Variants in IBTK observed in about 807,000 individuals in gnomAD.
The protein encoded by IBTK is inhibitor of Bruton tyrosine kinase, also known as BTK-binding protein.
Under a neutral mutation model 154.9 loss-of-function variants are expected in IBTK, and 83 were observed. The observed-to-expected ratio is 0.54, with a 90% CI of 0.45 to 0.64. The LOEUF is 0.64. IBTK is among the 30% of genes least tolerant of loss of function. The probability of loss-of-function intolerance (pLI) is 0.00; values close to 1 mark genes in which losing one functional copy is unlikely to be tolerated. For synonymous variants in IBTK, 515 were observed against 536.1 expected, an observed-to-expected ratio of 0.96 and a Z score of 0.54; for missense variants, 1,332 against 1,584.6, an observed-to-expected ratio of 0.84 and a Z score of 2.71.
At chr6:82,193,292 T>C (rs1056177620) in intron 23 of IBTK, among the ~76,000 whole-genome samples, 1 of 152,138 alleles carries the variant, frequency 6.6e-6, no homozygotes, top group Non-Finnish European at 1.5e-5. Context: ...ATGAGCATAG[T>C]ACTGAAATAG....
intron 21 of IBTK, among the ~76,000 whole-genome samples, chr6:82,197,761 C>T (rs1046567020): frequency 1.1e-4 from 17 of 152,092 alleles, no homozygotes; most frequent in Non-Finnish European, 1.9e-4. Context: ...AGAAATAAAT[C>T]CAGAAAAAAA....
chr6:82,230,120 T>A (rs1045114463), intron 4 of IBTK, among the ~76,000 whole-genome samples: 1 of 152,168 alleles, frequency 6.6e-6, no homozygotes, highest in African/African-American at 2.4e-5. Flanking sequence ...GTTGTCAAAG[T>A]AGCTCTAAAA....
rs1768161617 is a variant in IBTK at position 82,177,423 on chromosome 6, A to G, written c.3726-3985T>C. Among the ~76,000 whole-genome samples the G allele has an allele frequency of 2.7e-5, 4 of 150,488 alleles. 1 individual carries two copies. The highest frequency in any genetic ancestry group is 4.2e-4 in the South Asian group (2 of 4,766). ...TATTTCTCTTTTTATTTATTTATTT[A>G]TTTTTTGAGATGGAGTTTCACTCTT... On this transcript the variant is annotated intron_variant, in intron 26 of 28. Coordinates refer to ENST00000306270, the MANE Select transcript of IBTK (RefSeq NM_015525.4).
At chr6:82,218,534 T>C (rs1273023979) in intron 9 of IBTK, among the ~76,000 whole-genome samples, 1 of 152,242 alleles carries the variant, frequency 6.6e-6, no homozygotes, top group East Asian at 1.9e-4. Flanking sequence ...CCTATGAAAA[T>C]CCAAACTTTA....
intron 6 of IBTK, 152 bp from the exon 7 acceptor site, chr6:82,224,337 CTCA>C: frequency 4.9e-6 from 3 of 612,502 alleles, no homozygotes; most frequent in Non-Finnish European, 8.7e-6. Flanking sequence ...GATCTCAGCA[CTCA>C]TACTAAGACC....
chr6:82,182,539 T>C (rs190520973), intron 25 of IBTK, among the ~76,000 whole-genome samples: 1 of 152,190 alleles, frequency 6.6e-6, no homozygotes, highest in Admixed American at 6.5e-5. Flanking sequence ...CTGCCATATG[T>C]GTTAACTGAA....
intron 4 of IBTK, 30 bp downstream of exon 4, chr6:82,231,688 A>C (rs745979026): frequency 1.3e-6 from 2 of 1,527,888 alleles, no homozygotes; most frequent in East Asian, 4.6e-5. Context: ...TCTCATCTCT[A>C]AAAGTATATA....
chr6:82,189,136 T>C, intron 25 of IBTK: 2 of 350,404 alleles, frequency 5.7e-6, no homozygotes, highest in Non-Finnish European at 1.1e-5. Flanking sequence ...ATCAAAGTAA[T>C]ATTAATATTA....
intron 16 of IBTK, chr6:82,210,261 A>G (rs886647379): frequency 6.6e-6 from 1 of 152,112 alleles, no homozygotes; most frequent in African/African-American, 2.4e-5. Flanking sequence ...CAATTCATTC[A>G]TCTCCATCAT....
Position 82,240,152 on chromosome 6 carries a change from C to G in IBTK, c.321+14G>C, listed in dbSNP as rs1554188344. 6.3e-7 allele frequency: 1 copy of G among 1,581,312 alleles called. No homozygotes were observed. Among genetic ancestry groups the G allele is most frequent in the South Asian group, 1.1e-5 (1 of 87,536 alleles). The stretch of plus-strand genomic sequence containing the variant: ...CCAGACTAAATACGTTTAAAATAAA[C>G]AAATGACAATTACCTTCAATAGAGA... On this transcript the variant is annotated intron_variant, in intron 2 of 28. Coordinates refer to ENST00000306270, the MANE Select transcript of IBTK (RefSeq NM_015525.4).
In IBTK at chr6:82,170,643, AT is replaced by A. The variant is rs1373138088; in HGVS notation, c.*781del. On this transcript the variant is annotated 3_prime_UTR_variant, in exon 29 of 29. Coordinates refer to ENST00000306270, the MANE Select transcript of IBTK (RefSeq NM_015525.4). The stretch of plus-strand genomic sequence containing the variant: ...TGTAATTAAGCATTTATTTTCAGAA[AT>A]TTTAACACTTTCAGCAATTGATTCT... 6.6e-6 allele frequency: 1 copy of A among 152,176 alleles called. No individual in the cohort carries two copies. The highest frequency in any genetic ancestry group is 1.5e-5 in the Non-Finnish European group (1 of 68,020). 9.4% of individuals were successfully genotyped at this position (152,176 alleles called of 1,614,324 possible).
intron 23 of IBTK, 58 bp from the exon 24 acceptor site, chr6:82,191,937 C>A: frequency 1.1e-6 from 1 of 879,872 alleles, no homozygotes; most frequent in South Asian, 1.6e-5. Context: ...AGCCCAACCC[C>A]CAACTTCACT....
intron 1 of IBTK, among the ~76,000 whole-genome samples, chr6:82,246,280 C>T (rs1044297664): frequency 2.0e-5 from 3 of 152,046 alleles, no homozygotes; most frequent in Admixed American, 2.0e-4. Context: ...GCGATTCTGC[C>T]TCAGCCTCCC....
intron 1 of IBTK, among the ~76,000 whole-genome samples, chr6:82,241,604 C>G (rs182564995): frequency 5.3e-5 from 8 of 152,232 alleles, no homozygotes; most frequent in African/African-American, 1.9e-4. Context: ...TACAAAAGCA[C>G]TGGATGAAAA....
rs1333875006 is a variant in IBTK, at chr6:82,171,297, AAAG to A, written c.*125_*127del. On this transcript the variant is annotated 3_prime_UTR_variant, in exon 29 of 29. Transcript: ENST00000306270. ...AAACATTATATGATTTAACTGCAGT[AAAG>A]AAATTATATCTTTTCTTAATCTATT... The A allele has an allele frequency of 1.5e-6, 1 of 656,958 alleles. No individual in the cohort carries two copies. The highest frequency in any genetic ancestry group is 2.4e-6 in the Non-Finnish European group (1 of 414,074). The allele number at this position is 656,958 out of a possible 1,614,324, so 40.7% of individuals were successfully genotyped here.
At chr6:82,191,315 C>T in intron 24 of IBTK, 99 bp from the exon 25 acceptor site, 1 of 943,154 alleles carries the variant, frequency 1.1e-6, no homozygotes, top group Middle Eastern at 2.6e-4. Flanking sequence ...ACATTAATTT[C>T]TGCTTAATAA....
chr6:82,176,347 C>A (rs1471055941), intron 26 of IBTK, among the ~76,000 whole-genome samples: 3 of 151,506 alleles, frequency 2.0e-5, no homozygotes, highest in Admixed American at 6.6e-5. Context: ...ATGGCAAAAC[C>A]CTGTCTGTAT....
chr6:82,217,752 T>A (rs529131894), intron 10 of IBTK, among the ~76,000 whole-genome samples: 2 of 152,312 alleles, frequency 1.3e-5, no homozygotes, highest in Admixed American at 1.3e-4. Flanking sequence ...CCAGGAAATA[T>A]GCCAAAGGCT....
intron 26 of IBTK, among the ~76,000 whole-genome samples, chr6:82,179,770 C>T (rs1214852541): frequency 6.6e-6 from 1 of 152,022 alleles, no homozygotes; most frequent in Non-Finnish European, 1.5e-5. Flanking sequence ...AATGATAGGA[C>T]AACTGATAGA....
Sources: gnomAD v4.1 joint callset for allele counts (sites outside exome capture counted in the v4.1 genomes callset) on GRCh38, gnomAD v4.1.1 for gene constraint, MANE v1.5 for transcripts, NCBI Gene and HGNC (gene_info 2026-07-23, HGNC 2026-07-21) for gene names.